The following ESYT2 variants were observed in gnomAD, a reference collection of about 807,000 sequenced individuals.
ESYT2 encodes the protein extended synaptotagmin-2.
Under a neutral mutation model 107.2 loss-of-function variants are expected in ESYT2, and 54 were observed. The ratio of observed to expected loss-of-function variants is 0.50; its 90% CI spans 0.40 to 0.63. The LOEUF (loss-of-function observed/expected upper bound fraction) is 0.63. ESYT2 is among the 30% of genes least tolerant of loss of function. ESYT2 has a pLI of 0.00. For synonymous variants in ESYT2, 491 were observed against 434.1 expected (o/e 1.13, Z -1.63); for missense variants, 1,020 against 1,094.5 (o/e 0.93, Z 0.96).
At chr7:158,782,278 ATG>A (rs1310754463) in intron 6 of ESYT2, among the ~76,000 whole-genome samples, 3 of 88,380 alleles carry the variant, frequency 3.4e-5, no homozygotes, top group Non-Finnish European at 8.0e-5. Context: ...TGAGAACAAA[ATG>A]TGAGAAATGT....
intron 10 of ESYT2, 76 bp from the exon 11 acceptor site, chr7:158,761,620 A>T: frequency 7.4e-7 from 1 of 1,343,468 alleles, no homozygotes; most frequent in Non-Finnish European, 1.1e-6. Flanking sequence ...AACATAGAAA[A>T]CACATTTCTT....
chr7:158,773,247 C>T (rs1838437516), intron 7 of ESYT2, 94 bp downstream of exon 7: 3 of 1,358,188 alleles, frequency 2.2e-6, no homozygotes, highest in Non-Finnish European at 2.1e-6. Flanking sequence ...CTGGCAGACG[C>T]AGGTCTTAAC....
chr7:158,788,142 G>T, intron 5 of ESYT2, 49 bp from the exon 6 acceptor site: 2 of 1,503,366 alleles, frequency 1.3e-6, no homozygotes, highest in Non-Finnish European at 1.9e-6. Flanking sequence ...CATTCTGCAG[G>T]GCCGCTTAAC....
chr7:158,773,781 A>C (rs1838454752), intron 6 of ESYT2, among the ~76,000 whole-genome samples: 1 of 152,216 alleles, frequency 6.6e-6, no homozygotes, highest in African/African-American at 2.4e-5. Context: ...TTGGGGTCAA[A>C]GGCTTATGTT....
At chr7:158,781,842 T>G (rs1004298284) in intron 6 of ESYT2, among the ~76,000 whole-genome samples, 1 of 148,232 alleles carries the variant, frequency 6.7e-6, no homozygotes, top group Non-Finnish European at 1.5e-5. Context: ...AACAAGTGTG[T>G]GTGAACAAAG....
At chr7:158,802,429 C>T (rs1434917064) in intron 1 of ESYT2, among the ~76,000 whole-genome samples, 2 of 152,092 alleles carry the variant, frequency 1.3e-5, no homozygotes, top group Non-Finnish European at 2.9e-5. Flanking sequence ...TACAGGTGCC[C>T]GCCACCACAA....
intron 18 of ESYT2, among the ~76,000 whole-genome samples, 169 bp downstream of exon 18, chr7:158,741,354 T>C (rs534317644): frequency 1.3e-5 from 2 of 152,308 alleles, no homozygotes; most frequent in South Asian, 4.1e-4. Context: ...CGAGATGCAG[T>C]GAGCAAAACG....
intron 1 of ESYT2, among the ~76,000 whole-genome samples, chr7:158,822,744 G>A (rs985910735): frequency 2.6e-5 from 4 of 151,882 alleles, no homozygotes; most frequent in African/African-American, 4.8e-5. Flanking sequence ...CTAGGAGTTC[G>A]AGGCCAGCCT....
rs1313634473 is a variant in ESYT2 at position 158,799,173 on chromosome 7, C to T, written c.331-101G>A. The T allele has an allele frequency of 1.8e-5, 19 of 1,035,638 alleles. No homozygotes were observed. The Admixed American group carries it at 2.2e-4, about 12-fold the overall frequency. 64.2% of individuals were successfully genotyped at this position (1,035,638 alleles called of 1,614,324 possible). On this transcript the variant is annotated intron_variant, in intron 1 of 22. Coordinates refer to ENST00000275418, the MANE Select transcript of ESYT2 (RefSeq NM_001367773.1). ...ATTCTCATCATACGTCCTATGTTTA[C>T]AAGATGCTTCTTTAAAACACTCTGC...
intron 1 of ESYT2, among the ~76,000 whole-genome samples, chr7:158,823,887 T>C (rs1840363254): frequency 6.6e-6 from 1 of 152,164 alleles, no homozygotes; most frequent in South Asian, 2.1e-4. Flanking sequence ...AAATATATTA[T>C]GTTTTAAGTG....
chr7:158,753,593 TGTTTAA>T (rs1837654104), intron 13 of ESYT2, among the ~76,000 whole-genome samples: 1 of 151,516 alleles, frequency 6.6e-6, no homozygotes, highest in South Asian at 2.1e-4. Context: ...CTGAACTAAA[TGTTTAA>T]TTTTTTTTTT....
intron 1 of ESYT2, among the ~76,000 whole-genome samples, chr7:158,814,135 G>C (rs760941060): frequency 2.0e-5 from 3 of 151,678 alleles, no homozygotes; most frequent in Non-Finnish European, 4.4e-5. Flanking sequence ...TTAGTCGGGC[G>C]TGGTGGTGGA....
intron 6 of ESYT2, among the ~76,000 whole-genome samples, chr7:158,779,825 G>A (rs554328742): frequency 4.6e-5 from 7 of 152,268 alleles, no homozygotes; most frequent in South Asian, 2.1e-4. Flanking sequence ...ACCTTGACTC[G>A]GGTATTTGCT....
At chr7:158,754,366 C>A (rs557109959) in intron 13 of ESYT2, among the ~76,000 whole-genome samples, 70 of 151,944 alleles carry the variant, frequency 4.6e-4, no homozygotes, top group African/African-American at 1.6e-3. Flanking sequence ...ACCACCACAC[C>A]CGGCTAATTT....
At chr7:158,780,715 G>C (rs1838747880) in intron 6 of ESYT2, among the ~76,000 whole-genome samples, 1 of 152,234 alleles carries the variant, frequency 6.6e-6, no homozygotes, top group African/African-American at 2.4e-5. Context: ...AATCGTCAGG[G>C]AGGCAGGAGC....
chr7:158,773,272 T>G (rs1838438266), intron 7 of ESYT2, 69 bp downstream of exon 7: 5 of 1,545,692 alleles, frequency 3.2e-6, no homozygotes, highest in Non-Finnish European at 4.5e-6. Flanking sequence ...CTCACACTAT[T>G]GTCAAGACAT....
intron 1 of ESYT2, among the ~76,000 whole-genome samples, chr7:158,828,130 G>A (rs1307473499): frequency 6.6e-6 from 1 of 152,030 alleles, no homozygotes; most frequent in African/African-American, 2.4e-5. Context: ...CAAAAAAACT[G>A]AAACAATCTT....
At position 158,741,813 on chromosome 7, in the gene ESYT2, C is replaced by T. The variant is rs2129471344; in HGVS notation, c.1878G>A (p.Gly626=). 1.2e-6 allele frequency: 2 copies of T among 1,614,062 alleles called. No homozygotes were observed. Among genetic ancestry groups the T allele is most frequent in the Non-Finnish European group, 1.7e-6 (2 of 1,180,004 alleles). Residue 626 remains glycine, a synonymous_variant, in exon 18 of 23, where the codon GGG becomes GGA. Coordinates refer to ENST00000275418, the MANE Select transcript of ESYT2 (RefSeq NM_001367773.1). The part of the protein sequence containing the change: ...QVKRPSVSKE[G]RKTSIKSHMS... ...TATGAGATTTGATGGATGTTTTCCT[C>T]CCCTCTTTGGACACAGAGGGACGTT...
At chr7:158,757,588 G>A (rs1837805185) in intron 13 of ESYT2, among the ~76,000 whole-genome samples, 1 of 151,672 alleles carries the variant, frequency 6.6e-6, no homozygotes, top group Middle Eastern at 3.2e-3. Context: ...CAGAGCTCGC[G>A]GGACGCCCCT....
Sources: gnomAD v4.1 joint callset for allele counts (sites outside exome capture counted in the v4.1 genomes callset) on GRCh38, gnomAD v4.1.1 for gene constraint, MANE v1.5 for transcripts, NCBI Gene and HGNC (gene_info 2026-07-23, HGNC 2026-07-21) for gene names.